Variants in TGFBR3 observed in about 807,000 individuals in gnomAD.
The protein encoded by TGFBR3 is transforming growth factor beta receptor 3, also known as transforming growth factor beta receptor type 3.
Under a neutral mutation model 87.9 loss-of-function variants are expected in TGFBR3, and 46 were observed. The observed-to-expected ratio is 0.52, with a 90% CI of 0.41 to 0.67. TGFBR3 has a LOEUF of 0.67. Among genes scored for constraint, TGFBR3 ranks in the 30% least tolerant of loss-of-function variants. TGFBR3 has a pLI of 0.00. For synonymous variants in TGFBR3, 381 were observed against 391.6 expected (o/e 0.97, Z 0.32); for missense variants, 866 against 1,041.9 (o/e 0.83, Z 2.32).
chr1:91,896,921 T>TC (rs1339425416), intron 2 of TGFBR3, among the ~76,000 whole-genome samples: 3 of 196 alleles, frequency 0.015, no homozygotes, highest in African/African-American at 0.013. Context: ...TTTTCTTTTC[T>TC]TTTTTTTTTT....
At chr1:91,783,534 C>T (rs990187672) in intron 3 of TGFBR3, among the ~76,000 whole-genome samples, 1 of 152,152 alleles carries the variant, frequency 6.6e-6, no homozygotes, top group Non-Finnish European at 1.5e-5. Flanking sequence ...TCTTTAAGAC[C>T]AGACCCTCAT....
intron 7 of TGFBR3, among the ~76,000 whole-genome samples, chr1:91,725,560 G>T (rs1041029582): frequency 1.3e-5 from 2 of 152,178 alleles, no homozygotes; most frequent in Non-Finnish European, 2.9e-5. Context: ...ACATGCGCAG[G>T]CCCTGTGTCC....
chr1:91,860,104 A>G (rs779206225), intron 2 of TGFBR3, among the ~76,000 whole-genome samples: 1 of 152,118 alleles, frequency 6.6e-6, no homozygotes, highest in Non-Finnish European at 1.5e-5. Flanking sequence ...TAAAATCTGA[A>G]TGTAAAATCT....
chr1:91,851,805 G>A (rs1353713440), intron 2 of TGFBR3, among the ~76,000 whole-genome samples: 2 of 152,170 alleles, frequency 1.3e-5, no homozygotes, highest in African/African-American at 4.8e-5. Context: ...TACAGCCTAC[G>A]ATAAGGATGC....
intron 2 of TGFBR3, among the ~76,000 whole-genome samples, chr1:91,849,848 C>A (rs188627142): frequency 6.6e-6 from 1 of 151,490 alleles, no homozygotes; most frequent in Admixed American, 6.6e-5. Context: ...TTTGGGAGGC[C>A]GAGGCGGGCC....
At chr1:91,709,905 G>T (rs1282376738) in intron 13 of TGFBR3, among the ~76,000 whole-genome samples, 1 of 152,110 alleles carries the variant, frequency 6.6e-6, no homozygotes, top group Non-Finnish European at 1.5e-5. Flanking sequence ...GGGACTACAG[G>T]TGTGCACCAC....
At chr1:91,772,461 T>C (rs973694630) in intron 3 of TGFBR3, among the ~76,000 whole-genome samples, 5 of 152,138 alleles carry the variant, frequency 3.3e-5, no homozygotes, top group Non-Finnish European at 4.4e-5. Context: ...CTTGAGGAGT[T>C]TGTTCCTTGG....
chr1:91,701,777 GC>G (rs1424738955), intron 14 of TGFBR3, among the ~76,000 whole-genome samples: 2 of 152,142 alleles, frequency 1.3e-5, no homozygotes, highest in Non-Finnish European at 2.9e-5. Flanking sequence ...ACATCTATTG[GC>G]ATTTGGCAAA....
intron 4 of TGFBR3, among the ~76,000 whole-genome samples, chr1:91,750,747 G>A (rs1673510140): frequency 6.6e-6 from 1 of 152,204 alleles, no homozygotes; most frequent in Non-Finnish European, 1.5e-5. Flanking sequence ...CCGGGTCCCT[G>A]GAATACAGGG....
Position 91,720,223 on chromosome 1 carries a change from C to T in TGFBR3, c.1083G>A (p.Glu361=). The T allele has an allele frequency of 6.3e-7, 1 of 1,592,180 alleles. No homozygotes were observed. The highest frequency in any genetic ancestry group is 8.6e-7 in the Non-Finnish European group (1 of 1,168,360). ...TAGTGTGGACTTCCTCATCTCCCAT[C>T]TCCTCTGCTGGTGAAAGAAGAAGGC... ...FHLRLENNAE[E]MGDEEVHTIP... The change falls in exon 9 of 17, where the codon GAG becomes GAA. Residue 361 remains glutamate, a synonymous_variant. Coordinates refer to ENST00000212355, the MANE Select transcript of TGFBR3 (RefSeq NM_003243.5).
At chr1:91,769,667 A>C (rs1674306596) in intron 3 of TGFBR3, among the ~76,000 whole-genome samples, 1 of 151,754 alleles carries the variant, frequency 6.6e-6, no homozygotes, top group Non-Finnish European at 1.5e-5. Flanking sequence ...AATACAACAC[A>C]TCCTGAAGGG....
At chr1:91,857,440 T>G (rs1331719548) in intron 2 of TGFBR3, among the ~76,000 whole-genome samples, 1 of 152,092 alleles carries the variant, frequency 6.6e-6, no homozygotes, top group Non-Finnish European at 1.5e-5. Flanking sequence ...AGTGCCTCCT[T>G]CTTCCTAGAT....
At position 91,719,950 on chromosome 1, in the gene TGFBR3, C is replaced by G; in HGVS notation, c.1356G>C (p.Leu452=). 1 of 1,614,198 alleles carries G rather than the reference C, an allele frequency of 6.2e-7. No homozygotes were observed. Among genetic ancestry groups the G allele is most frequent in the Non-Finnish European group, 8.5e-7 (1 of 1,180,030 alleles). ...TCTTCTCATTGTCACATTTGACAGA[C>G]AGGGCAATATCCACGCTCCCTTGCA... ...EEVQGSVDIA[L]SVKCDNEKMI... Residue 452 remains leucine, a synonymous_variant, in exon 9 of 17, where the codon CTG becomes CTC. Transcript: ENST00000212355.
chr1:91,854,462 G>A (rs1677861357), intron 2 of TGFBR3, among the ~76,000 whole-genome samples: 1 of 152,092 alleles, frequency 6.6e-6, no homozygotes, highest in African/African-American at 2.4e-5. Flanking sequence ...AGGACCCCCA[G>A]TGCCCAGCTT....
chr1:91,888,204 T>C (rs183631813), upstream of TGFBR3, among the ~76,000 whole-genome samples: 577 of 152,330 alleles, frequency 3.8e-3, no homozygotes, highest in Non-Finnish European at 6.2e-3. Flanking sequence ...TGCTCCTCCT[T>C]ACCTTCTGCC....
At chr1:91,778,922 T>C (rs1362410022) in intron 3 of TGFBR3, among the ~76,000 whole-genome samples, 1 of 151,986 alleles carries the variant, frequency 6.6e-6, no homozygotes. Flanking sequence ...GGCCTCTCAG[T>C]GGAGGTAATG....
chr1:91,729,719 G>C, intron 6 of TGFBR3, 86 bp downstream of exon 6: 1 of 1,511,432 alleles, frequency 6.6e-7, no homozygotes, highest in Non-Finnish European at 9.2e-7. Context: ...GGAGGGTGTA[G>C]GACGGGCTAC....
At chr1:91,883,240 A>C (rs577342344) in intron 1 of TGFBR3, among the ~76,000 whole-genome samples, 1 of 152,266 alleles carries the variant, frequency 6.6e-6, no homozygotes, top group Admixed American at 6.5e-5. Context: ...TCCTTGGCCA[A>C]GTGATCCTCC....
At chr1:91,760,459 A>G (rs1673918956) in intron 3 of TGFBR3, among the ~76,000 whole-genome samples, 1 of 152,218 alleles carries the variant, frequency 6.6e-6, no homozygotes, top group Non-Finnish European at 1.5e-5. Flanking sequence ...AGACACGATA[A>G]TACACTTGAT....
Sources: allele counts gnomAD v4.1 joint callset (sites outside exome capture counted in the v4.1 genomes callset), GRCh38; gene constraint gnomAD v4.1.1; transcripts MANE v1.5; gene names NCBI Gene and HGNC (gene_info 2026-07-23, HGNC 2026-07-21).